The following CCDC89 variants were observed in gnomAD, a reference collection of about 807,000 sequenced individuals.
CCDC89 encodes the protein coiled-coil domain-containing protein 89.
CCDC89 carries 28 observed loss-of-function variants against 29.3 expected under a neutral mutation model. The ratio of observed to expected loss-of-function variants is 0.96; its 90% CI spans 0.71 to 1.31. CCDC89 has a LOEUF of 1.31. Among genes scored for constraint, CCDC89 ranks in the 50% most tolerant of loss-of-function variants. CCDC89 has a pLI of 0.00. For missense variants in CCDC89, 484 were observed against 442.3 expected, an observed-to-expected ratio of 1.09 and a Z score of -0.85; for synonymous variants, 191 against 179.7, an observed-to-expected ratio of 1.06 and a Z score of -0.51.
chr11:85,685,190 A>T lies in CCDC89; in HGVS notation c.941T>A (p.Phe314Tyr). ...GTCCACAGCCACTGCCTCTTGCTCA[A>T]ACCGCTCCAGCGCATGCTTCCTGTC... ...NEDRKHALER[F>Y]EQEAVAVDSN... The change falls in exon 1 of 1, where the codon TTT becomes TAT. Residue 314 changes from phenylalanine (F) to tyrosine (Y), a missense_variant. Transcript: ENST00000316398. 6.2e-7 allele frequency: 1 copy of T among 1,614,140 alleles called. No homozygotes were observed. The highest frequency in any genetic ancestry group is 8.5e-7 in the Non-Finnish European group (1 of 1,180,034).
chr11:85,684,736 C>T lies in CCDC89; in HGVS notation c.*270G>A, dbSNP rs2083004151. On this transcript the variant is annotated 3_prime_UTR_variant, in exon 1 of 1. Transcript: ENST00000316398. ...GATATCTGAGGTTGAGAATTAATAA[C>T]TTATGGGTAGGAGAAGATACTACTA... 2.5e-6 allele frequency: 1 copy of T among 401,518 alleles called. No individual in the cohort carries two copies. The highest frequency in any genetic ancestry group is 4.6e-5 in the East Asian group (1 of 21,698). The allele number at this position is 401,518 out of a possible 1,614,324, so 24.9% of individuals were successfully genotyped here.
Position 85,685,646 on chromosome 11 carries a change from C to CTAT in CCDC89, c.482_484dup (p.Asn161dup), listed in dbSNP as rs745586504. ...CTTCAGAGCCTGGCTGAAGAGGCTGCTATTCTCCAGCCTCAGCTTCTCATT... is the reference window on the plus strand; with the variant it reads ...CTTCAGAGCCTGGCTGAAGAGGCTGCTATTATTCTCCAGCCTCAGCTTCTCATT... On this transcript the variant is annotated inframe_insertion, in exon 1 of 1. Coordinates refer to ENST00000316398, the MANE Select transcript of CCDC89 (RefSeq NM_152723.3). 3 of 1,614,122 alleles carry CTAT rather than the reference C, an allele frequency of 1.9e-6. No homozygotes were observed. The East Asian group carries it at 6.7e-5, about 36-fold the overall frequency.
Position 85,685,972 on chromosome 11 carries a change from C to T in CCDC89, c.159G>A (p.Arg53=), listed in dbSNP as rs1312743672. 1 of 1,614,068 alleles carries T rather than the reference C, an allele frequency of 6.2e-7. No individual in the cohort carries two copies. Among genetic ancestry groups the T allele is most frequent in the African/African-American group, 1.3e-5 (1 of 74,936 alleles). ...DGLREALANL[R]GLSEEERSEK... is the part of the protein sequence containing the mutation. Reference sequence around the variant, plus strand: ...CGCTCCTCTCCTCCTCTGACAGTCCCCGGAGGTTTGCCAAGGCTTCCCTCA... The same window carrying T: ...CGCTCCTCTCCTCCTCTGACAGTCCTCGGAGGTTTGCCAAGGCTTCCCTCA... Residue 53 remains arginine, a synonymous_variant, in exon 1 of 1, where the codon CGG becomes CGA. Transcript: ENST00000316398.
Position 85,685,773 on chromosome 11 carries a change from GA to G in CCDC89, c.357del (p.Arg120GlyfsTer3). 2.5e-6 allele frequency: 4 copies of G among 1,614,058 alleles called. No individual in the cohort carries two copies. Among genetic ancestry groups the G allele is most frequent in the Non-Finnish European group, 3.4e-6 (4 of 1,180,016 alleles). ...GTCATAAAGCGTTCCTCTAGTTTCCGACTGTACTCACCCTGGGCCTTGAGCT... is the reference window on the plus strand; with the variant it reads ...GTCATAAAGCGTTCCTCTAGTTTCCGCTGTACTCACCCTGGGCCTTGAGCT... ...AEKLKAQGEYSRKLEERFMTL... is the reference protein window; with the variant it reads ...AEKLKAQGEYXRKLEERFMTL... On this transcript the variant is annotated frameshift_variant, in exon 1 of 1. Transcript: ENST00000316398. LOFTEE classifies it high-confidence loss of function.
chr11:85,685,485 T>G lies in CCDC89; in HGVS notation c.646A>C (p.Ser216Arg). 1 of 1,613,658 alleles carries G rather than the reference T, an allele frequency of 6.2e-7. No individual in the cohort carries two copies. The highest frequency in any genetic ancestry group is 8.5e-7 in the Non-Finnish European group (1 of 1,180,020). ...TTGGTGTGGGTGCAGGCCTGCTGGC[T>G]CTGTAGCTCCAGCAGCTCCTTCTCG... ...AREKELLELQSQQACTHTKET... is the reference protein window; with the variant it reads ...AREKELLELQRQQACTHTKET... Residue 216 changes from serine (S) to arginine (R), a missense_variant, in exon 1 of 1, where the codon AGC becomes CGC. Physicochemically the swap from Ser to Arg is moderately radical, Grantham distance 110. Transcript: ENST00000316398.
chr11:85,686,087 T>C lies in CCDC89; in HGVS notation c.44A>G (p.Asp15Gly). 1 of 1,614,114 alleles carries C rather than the reference T, an allele frequency of 6.2e-7. No homozygotes were observed. The highest frequency in any genetic ancestry group is 8.5e-7 in the Non-Finnish European group (1 of 1,180,010). Residue 15 changes from aspartate (D) to glycine (G), a missense_variant, in exon 1 of 1, where the codon GAC (aspartate) becomes GGC (glycine). Coordinates refer to ENST00000316398, the MANE Select transcript of CCDC89 (RefSeq NM_152723.3). ...TAAGCGTTCTTCAGGGGGCGGGGTG[T>C]CCATCCTGGGAGCCTGCTGTTTCTG... ...MLQKQQAPRM[D>G]TPPPEERLEK...
In CCDC89 at chr11:85,685,269, T is replaced by C; in HGVS notation, c.862A>G (p.Asn288Asp). Residue 288 changes from asparagine (N) to aspartate (D), a missense_variant, in exon 1 of 1, where the codon AAC (asparagine) becomes GAC (aspartate). Transcript: ENST00000316398. ...AGCTGGCAGATCTCTGCCTGTTTGT[T>C]CTGAAGCACTTTGCCCCTTTCAATG... ...LSIERGKVLQ[N>D]KQAEICQLEE... The C allele has an allele frequency of 6.2e-7, 1 of 1,610,956 alleles. No individual in the cohort carries two copies. Among genetic ancestry groups the C allele is most frequent in the African/African-American group, 1.3e-5 (1 of 75,068 alleles).
Position 85,685,443 on chromosome 11 carries a change from G to T in CCDC89, c.688C>A (p.Arg230Ser). ...TGCTTGAGGGTCTGCAGCTGGCTGC[G>T]CAGCTGTTCTGTCTCCTTGGTGTGG... The part of the protein sequence containing the change: ...CTHTKETEQL[R>S]SQLQTLKQQH... The change falls in exon 1 of 1, where the codon CGC becomes AGC. Residue 230 changes from arginine to serine, a missense_variant. By Grantham distance (110) the Arg-to-Ser change is moderately radical (BLOSUM62 -1). Transcript: ENST00000316398. 1 of 1,613,002 alleles carries T rather than the reference G, an allele frequency of 6.2e-7. No homozygotes were observed.
In CCDC89 at chr11:85,685,150, G is replaced by C. The variant is rs1007959259; in HGVS notation, c.981C>G (p.Val327=). 2.5e-6 allele frequency: 4 copies of C among 1,614,088 alleles called. No homozygotes were observed. The highest frequency in any genetic ancestry group is 3.3e-5 in the Admixed American group (2 of 60,008). ...CATCTACTTTGCGCTGAAGCTCCCT[G>C]ACTCTCAAGTTGCTGTCCACAGCCA... ...EAVAVDSNLR[V]RELQRKVDGI... is the part of the protein sequence containing the mutation. The change falls in exon 1 of 1, where the codon GTC becomes GTG. Residue 327 remains valine, a synonymous_variant. Transcript: ENST00000316398.
At position 85,685,910 on chromosome 11, in the gene CCDC89, G is replaced by T; in HGVS notation, c.221C>A (p.Ser74Tyr). ...AMLRSRIEEQ[S>Y]QLICILKRRS... ...CCGCTTCAGGATGCAGATGAGCTGG[G>T]ACTGCTCTTCAATGCGGGAGCGAAG... is the stretch of plus-strand genomic sequence containing the variant. The change falls in exon 1 of 1, where the codon TCC becomes TAC. Residue 74 changes from serine (S) to tyrosine (Y), a missense_variant. Ser to Tyr is a moderately radical substitution (Grantham distance 144, BLOSUM62 -2). Coordinates refer to ENST00000316398, the MANE Select transcript of CCDC89 (RefSeq NM_152723.3). 9 of 1,614,138 alleles carry T rather than the reference G, an allele frequency of 5.6e-6. No homozygotes were observed. Among genetic ancestry groups the T allele is most frequent in the Non-Finnish European group, 6.8e-6 (8 of 1,180,032 alleles).
rs1240916752 is a variant in CCDC89 at position 85,684,641 on chromosome 11, G to A, written c.*365C>T. On this transcript the variant is annotated 3_prime_UTR_variant, in exon 1 of 1. Transcript: ENST00000316398. ...ATTGTGCTAATTATTTTTCACAATG[G>A]CACATCTCACTGCACTTAGATTGAC... is the stretch of plus-strand genomic sequence containing the variant. Among the ~76,000 whole-genome samples the A allele has an allele frequency of 6.6e-6, 1 of 152,130 alleles. No homozygotes were observed. Among genetic ancestry groups the A allele is most frequent in the Admixed American group, 6.5e-5 (1 of 15,268 alleles).
rs575298772 is a variant in CCDC89, at chr11:85,685,339, C to A, written c.792G>T (p.Arg264Ser). The change falls in exon 1 of 1, where the codon AGG (arginine) becomes AGT (serine). Residue 264 changes from arginine (R) to serine (S), a missense_variant. Arg to Ser is a moderately radical substitution (Grantham distance 110). Coordinates refer to ENST00000316398, the MANE Select transcript of CCDC89 (RefSeq NM_152723.3). ...HSSLSQELQA[R>S]LQTVTREKEE... is the part of the protein sequence containing the mutation. ...CTTTCTCTCTAGTGACGGTCTGCAG[C>A]CTGGCCTGCAGCTCCTGGCTCAGGC... 6.2e-7 allele frequency: 1 copy of A among 1,608,298 alleles called. No homozygotes were observed. The highest frequency in any genetic ancestry group is 2.2e-5 in the East Asian group (1 of 44,872).
Position 85,685,469 on chromosome 11 carries a change from G to A in CCDC89, c.662C>T (p.Thr221Ile). Residue 221 changes from threonine (T) to isoleucine (I), a missense_variant, in exon 1 of 1, where the codon ACC becomes ATC. Coordinates refer to ENST00000316398, the MANE Select transcript of CCDC89 (RefSeq NM_152723.3). The part of the protein sequence containing the change: ...LLELQSQQAC[T>I]HTKETEQLRS... ...CAGCTGTTCTGTCTCCTTGGTGTGGGTGCAGGCCTGCTGGCTCTGTAGCTC... is the reference window on the plus strand; with the variant it reads ...CAGCTGTTCTGTCTCCTTGGTGTGGATGCAGGCCTGCTGGCTCTGTAGCTC... 1 of 1,613,372 alleles carries A rather than the reference G, an allele frequency of 6.2e-7. No homozygotes were observed. The highest frequency in any genetic ancestry group is 8.5e-7 in the Non-Finnish European group (1 of 1,180,028).
At position 85,684,982 on chromosome 11, in the gene CCDC89, A is replaced by G. The variant is rs1327166687; in HGVS notation, c.*24T>C. On this transcript the variant is annotated 3_prime_UTR_variant, in exon 1 of 1. Transcript: ENST00000316398. Reference sequence around the variant, plus strand: ...CGCAAATATTTGAATTCTGAATTGCAGGCCAGAGGAAGCAGAAACTTCCCT... The same window carrying G: ...CGCAAATATTTGAATTCTGAATTGCGGGCCAGAGGAAGCAGAAACTTCCCT... 1 of 1,577,066 alleles carries G rather than the reference A, an allele frequency of 6.3e-7. No homozygotes were observed. The highest frequency in any genetic ancestry group is 2.2e-5 in the East Asian group (1 of 44,560).
Position 85,685,514 on chromosome 11 carries a change from G to A in CCDC89, c.617C>T (p.Ala206Val). The A allele has an allele frequency of 1.2e-6, 2 of 1,613,870 alleles. No individual in the cohort carries two copies. ...RCAQDACQAQ[A>V]REKELLELQS... is the part of the protein sequence containing the mutation. ...TAGCTCCAGCAGCTCCTTCTCGCGC[G>A]CCTGTGCCTGGCAGGCATCCTGAGC... The change falls in exon 1 of 1, where the codon GCG becomes GTG. Residue 206 changes from alanine (A) to valine (V), a missense_variant. By Grantham distance (64) the Ala-to-Val change is moderately conservative. Transcript: ENST00000316398.
At position 85,686,147 on chromosome 11, in the gene CCDC89, A is replaced by G. The variant is rs200929685; in HGVS notation, c.-17T>C. On this transcript the variant is annotated 5_prime_UTR_variant, in exon 1 of 1. Transcript: ENST00000316398. ...CGCTCTCATCCACTAAGGGCTGACTACAGTCTTTTCCCCTCAGATTTCAAA... is the reference window on the plus strand; with the variant it reads ...CGCTCTCATCCACTAAGGGCTGACTGCAGTCTTTTCCCCTCAGATTTCAAA... 7.0e-5 allele frequency: 112 copies of G among 1,600,674 alleles called. No individual in the cohort carries two copies. The East Asian group carries it at 2.3e-3, about 33-fold the overall frequency.
chr11:85,685,483 G>A lies in CCDC89; in HGVS notation c.648C>T (p.Ser216=), dbSNP rs149499036. ...AREKELLELQ[S]QQACTHTKET... ...CCTTGGTGTGGGTGCAGGCCTGCTG[G>A]CTCTGTAGCTCCAGCAGCTCCTTCT... The change falls in exon 1 of 1, where the codon AGC becomes AGT. Residue 216 remains serine (S), a synonymous_variant. Transcript: ENST00000316398. 2.2e-4 allele frequency: 359 copies of A among 1,613,370 alleles called. No homozygotes were observed. The highest frequency in any genetic ancestry group is 2.7e-4 in the Admixed American group (16 of 60,006).
chr11:85,684,862 AAT>A lies in CCDC89; in HGVS notation c.*142_*143del, dbSNP rs778662735. ...ATAATGGCTTTACAATAATAACAAC[AAT>A]ATCATAGTAAAGTAGCTTTTCTTTG... On this transcript the variant is annotated 3_prime_UTR_variant, in exon 1 of 1. Transcript: ENST00000316398. 3 of 815,768 alleles carry A rather than the reference AAT, an allele frequency of 3.7e-6. No homozygotes were observed. Among genetic ancestry groups the A allele is most frequent in the Non-Finnish European group, 5.6e-6 (3 of 532,528 alleles). 50.5% of individuals were successfully genotyped at this position (815,768 alleles called of 1,614,324 possible).
rs376349616 is a variant in CCDC89, at chr11:85,685,952, C to A, written c.179G>T (p.Arg60Met). The change falls in exon 1 of 1, where the codon AGG becomes ATG. Residue 60 changes from arginine (R) to methionine (M), a missense_variant. Coordinates refer to ENST00000316398, the MANE Select transcript of CCDC89 (RefSeq NM_152723.3). ...ANLRGLSEEE[R>M]SEKAMLRSRI... ...GGAGCGAAGCATAGCCTTCTCGCTC[C>A]TCTCCTCCTCTGACAGTCCCCGGAG... The A allele has an allele frequency of 4.8e-5, 77 of 1,614,118 alleles. No homozygotes were observed. Among genetic ancestry groups the A allele is most frequent in the Non-Finnish European group, 6.4e-5 (75 of 1,180,040 alleles).
Sources: allele counts gnomAD v4.1 joint callset (sites outside exome capture counted in the v4.1 genomes callset), GRCh38; gene constraint gnomAD v4.1.1; transcripts MANE v1.5; gene names NCBI Gene and HGNC (gene_info 2026-07-23, HGNC 2026-07-21).